KIAA1549L: variants seen among roughly 807,000 people sequenced by gnomAD.
KIAA1549L encodes the protein KIAA1549 like, also known as UPF0606 protein KIAA1549L.
KIAA1549L carries 88 observed loss-of-function variants against 160.7 expected under a neutral mutation model. The observed-to-expected ratio is 0.55, with a 90% CI of 0.46 to 0.65. The LOEUF is 0.65. Ranked by LOEUF, KIAA1549L falls within the 30% of genes least tolerant of loss-of-function variation. The pLI is 0.00. For synonymous variants in KIAA1549L, 950 were observed against 976.7 expected (o/e 0.97, Z 0.51); for missense variants, 2,258 against 2,437.5 (o/e 0.93, Z 1.55).
chr11:33,435,776 A>ATG, intron 1 of KIAA1549L, among the ~76,000 whole-genome samples: 1 of 9,898 alleles, frequency 1.0e-4, no homozygotes, highest in East Asian at 2.6e-3. Context: ...ATATATATAT[A>ATG]TATATATATA....
chr11:33,408,781 CA>C lies in KIAA1549L; in HGVS notation c.238+31911del, dbSNP rs71034683. Among the ~76,000 whole-genome samples the C allele has an allele frequency of 2.4e-3, 282 of 115,310 alleles. 1 individual carries two copies. Among genetic ancestry groups the C allele is most frequent in the Admixed American group, 5.9e-3 (62 of 10,558 alleles). The allele number at this position is 115,310 out of a possible 152,430, so 75.6% of individuals were successfully genotyped here. ...TGAAACCCCATCACTACTAAAAATA[CA>C]AAAAAAAAAAAAAAAAAATTAGCCG... On this transcript the variant is annotated intron_variant, in intron 1 of 20. Transcript: ENST00000658780.
intron 1 of KIAA1549L, among the ~76,000 whole-genome samples, chr11:33,388,865 A>T (rs1305142296): frequency 6.6e-6 from 1 of 152,142 alleles, no homozygotes; most frequent in Non-Finnish European, 1.5e-5. Flanking sequence ...CCTTTTAAAC[A>T]CCACATAGAA....
chr11:33,380,835 G>A (rs79715831), intron 1 of KIAA1549L, among the ~76,000 whole-genome samples: 311 of 152,124 alleles, frequency 2.0e-3, no homozygotes, highest in African/African-American at 7.0e-3. Flanking sequence ...GACCTGGGAC[G>A]TCCTCCTTGC....
At chr11:33,603,537 T>C (rs1850417873) in intron 13 of KIAA1549L, among the ~76,000 whole-genome samples, 1 of 151,994 alleles carries the variant, frequency 6.6e-6, no homozygotes, top group African/African-American at 2.4e-5. Context: ...CCGGGCACGA[T>C]GGCTCACGCC....
intron 1 of KIAA1549L, among the ~76,000 whole-genome samples, chr11:33,485,294 T>C (rs1282978405): frequency 6.6e-6 from 1 of 152,210 alleles, no homozygotes; most frequent in Non-Finnish European, 1.5e-5. Context: ...GGGAGGTTGA[T>C]TTCTTTTATT....
chr11:33,658,722 G>A, intron 18 of KIAA1549L, 28 bp from the exon 19 acceptor site: 3 of 1,561,056 alleles, frequency 1.9e-6, no homozygotes, highest in Non-Finnish European at 2.6e-6. Context: ...CTGGGACAGT[G>A]CTAACGCAGT....
rs1165551606 is a variant in KIAA1549L at position 33,660,978 on chromosome 11, A to C, written c.6123A>C (p.Ala2041=). 6.2e-7 allele frequency: 1 copy of C among 1,611,872 alleles called. No homozygotes were observed. The highest frequency in any genetic ancestry group is 8.5e-7 in the Non-Finnish European group (1 of 1,179,002). ...SYRNQAWMSY[A]GENELPSQWA... is the part of the protein sequence containing the mutation. ...GGAACCAGGCCTGGATGTCCTATGCAGGAGAGAATGAGCTCCCGAGCCAGT... is the reference window on the plus strand; with the variant it reads ...GGAACCAGGCCTGGATGTCCTATGCCGGAGAGAATGAGCTCCCGAGCCAGT... The change falls in exon 20 of 21, where the codon GCA becomes GCC. Residue 2041 remains alanine (A), a synonymous_variant. Coordinates refer to ENST00000658780, the MANE Select transcript of KIAA1549L (RefSeq NM_012194.3).
intron 1 of KIAA1549L, among the ~76,000 whole-genome samples, chr11:33,495,303 A>T (rs1426832647): frequency 6.8e-6 from 1 of 146,912 alleles, no homozygotes; most frequent in Admixed American, 6.9e-5. Flanking sequence ...CAGTCCCCAG[A>T]GTGTGATGTT....
chr11:33,432,646 A>G (rs2132920857), intron 1 of KIAA1549L, among the ~76,000 whole-genome samples: 1 of 152,352 alleles, frequency 6.6e-6, no homozygotes, highest in African/African-American at 2.4e-5. Flanking sequence ...AGCAAAAAGA[A>G]CAAAGCTGGA....
At chr11:33,658,213 C>G (rs1852135689) in intron 18 of KIAA1549L, among the ~76,000 whole-genome samples, 1 of 152,140 alleles carries the variant, frequency 6.6e-6, no homozygotes, top group African/African-American at 2.4e-5. Context: ...GTTAGAATGT[C>G]CACTGCTCCC....
rs188833947 is a variant in KIAA1549L, at chr11:33,468,645, T to C, written c.239-73157T>C. ...CTCTTTTATGTACTGGTGAGTGATG[T>C]TCCTTATTTATAAAAGAGTGAGAAG... On this transcript the variant is annotated intron_variant, in intron 1 of 20. Coordinates refer to ENST00000658780, the MANE Select transcript of KIAA1549L (RefSeq NM_012194.3). Among the ~76,000 whole-genome samples the C allele has an allele frequency of 1.3e-3, 201 of 152,350 alleles. 2 individuals are homozygous for C. The highest frequency in any genetic ancestry group is 4.7e-3 in the African/African-American group (194 of 41,586).
intron 1 of KIAA1549L, among the ~76,000 whole-genome samples, chr11:33,505,824 C>A (rs905914822): frequency 2.6e-5 from 4 of 152,126 alleles, no homozygotes; most frequent in African/African-American, 4.8e-5. Flanking sequence ...GAGTATGATT[C>A]CAGGACTTCA....
At chr11:33,656,186 C>A in intron 18 of KIAA1549L, 77 bp downstream of exon 18, 1 of 1,119,146 alleles carries the variant, frequency 8.9e-7, no homozygotes, top group Non-Finnish European at 1.3e-6. Context: ...CTGACAACAG[C>A]ACCGGCAAAT....
At chr11:33,395,398 G>A (rs1850353408) in intron 1 of KIAA1549L, among the ~76,000 whole-genome samples, 1 of 152,182 alleles carries the variant, frequency 6.6e-6, no homozygotes, top group Non-Finnish European at 1.5e-5. Context: ...TAAGGTAAAT[G>A]TGAAAATTAT....
At position 33,376,268 on chromosome 11, in the gene KIAA1549L, C is replaced by T. The variant is rs577710271; in HGVS notation, c.-384C>T. ...GCGGCGGGAGGGAGGGACCCGAGCG[C>T]GCCCCGCGGCCGCCACCCCCGTTCC... On this transcript the variant is annotated 5_prime_UTR_variant, in exon 1 of 21. Coordinates refer to ENST00000658780, the MANE Select transcript of KIAA1549L (RefSeq NM_012194.3). The surrounding 1 kb of genome is among the most constrained non-coding windows in gnomAD (Gnocchi z 5.8). Among the ~76,000 whole-genome samples, 2 of 148,518 alleles carry T rather than the reference C, an allele frequency of 1.3e-5. No homozygotes were observed. Among genetic ancestry groups the T allele is most frequent in the African/African-American group, 4.9e-5 (2 of 40,942 alleles).
At chr11:33,486,963 G>A (rs1371772878) in intron 1 of KIAA1549L, among the ~76,000 whole-genome samples, 1 of 152,190 alleles carries the variant, frequency 6.6e-6, no homozygotes, top group Non-Finnish European at 1.5e-5. Context: ...ACCCATGAAA[G>A]CAAGTGGCTT....
At chr11:33,430,088 C>G (rs7120922) in intron 1 of KIAA1549L, among the ~76,000 whole-genome samples, 243 of 142,966 alleles carry the variant, frequency 1.7e-3, no homozygotes, top group African/African-American at 6.2e-3. Flanking sequence ...CCCTCCCTCC[C>G]TCTCTCCTCC....
chr11:33,395,922 A>T (rs1850364517), intron 1 of KIAA1549L, among the ~76,000 whole-genome samples: 2 of 152,094 alleles, frequency 1.3e-5, no homozygotes, highest in Non-Finnish European at 2.9e-5. Flanking sequence ...TGAGGTCCTG[A>T]TGGTGGTACA....
intron 1 of KIAA1549L, among the ~76,000 whole-genome samples, chr11:33,402,259 G>A (rs985982567): frequency 3.9e-5 from 6 of 152,092 alleles, no homozygotes; most frequent in Admixed American, 1.3e-4. Flanking sequence ...CTGCTTGGCC[G>A]CTTAAGCCAG....
Sources: allele counts gnomAD v4.1 joint callset (sites outside exome capture counted in the v4.1 genomes callset), GRCh38; gene constraint gnomAD v4.1.1; non-coding constraint Gnocchi (gnomAD v3.1); transcripts MANE v1.5; gene names NCBI Gene and HGNC (gene_info 2026-07-23, HGNC 2026-07-21).